The following DAAM1 variants were observed in gnomAD, a reference collection of about 807,000 sequenced individuals.
The protein encoded by DAAM1 is dishevelled associated activator of morphogenesis 1, also known as disheveled-associated activator of morphogenesis 1.
Under a neutral mutation model 130.0 loss-of-function variants are expected in DAAM1, and 52 were observed. The ratio of observed to expected loss-of-function variants is 0.40; its 90% CI spans 0.32 to 0.50. The LOEUF (loss-of-function observed/expected upper bound fraction) is 0.50, where lower values mean the gene tolerates loss of function less well. Among genes scored for constraint, DAAM1 ranks in the 20% least tolerant of loss-of-function variants. The pLI, the probability that DAAM1 is intolerant of heterozygous loss-of-function variation, is 0.61. For missense variants in DAAM1, 1,134 were observed against 1,303.8 expected (o/e 0.87, Z 2.01); for synonymous variants, 452 against 444.5 (o/e 1.02, Z -0.21).
rs574129602 is a variant in DAAM1, at chr14:59,289,161, C to T, written c.184-2056C>T. Among the ~76,000 whole-genome samples the T allele has an allele frequency of 5.3e-4, 81 of 152,076 alleles. 1 individual carries two copies. In the Middle Eastern group the frequency reaches 0.01, roughly 19 times the overall value. ...TGATCTCCTGACCTCGTGATCTGCC[C>T]GCCTCGGCCTCCTAAAGTGCTGGGA... On this transcript the variant is annotated intron_variant, in intron 2 of 24. Coordinates refer to ENST00000360909, the MANE Select transcript of DAAM1 (RefSeq NM_001270520.2).
intron 1 of DAAM1, among the ~76,000 whole-genome samples, chr14:59,222,158 G>C (rs1888793879): frequency 6.6e-6 from 1 of 152,154 alleles, no homozygotes. Context: ...ATGATGGTAG[G>C]GAACATGGTA....
At chr14:59,193,909 A>G (rs1295376698) in intron 1 of DAAM1, among the ~76,000 whole-genome samples, 2 of 152,156 alleles carry the variant, frequency 1.3e-5, no homozygotes, top group Non-Finnish European at 2.9e-5. Context: ...TGATACCGAT[A>G]TTGTATGTGA....
chr14:59,272,750 A>C (rs1882780594), intron 2 of DAAM1, among the ~76,000 whole-genome samples: 1 of 152,180 alleles, frequency 6.6e-6, no homozygotes, highest in Non-Finnish European at 1.5e-5. Context: ...GAAAATGCTC[A>C]GAACAGTGTG....
chr14:59,365,545 T>TA (rs1886882659), intron 23 of DAAM1, among the ~76,000 whole-genome samples: 2 of 152,222 alleles, frequency 1.3e-5, no homozygotes. Flanking sequence ...ACACTTTTGT[T>TA]ACAAGTTTAA....
intron 1 of DAAM1, among the ~76,000 whole-genome samples, chr14:59,201,599 GAA>G (rs1888106593): frequency 6.6e-6 from 1 of 152,116 alleles, no homozygotes. Flanking sequence ...CTGGGCGACA[GAA>G]TGAGACTCCA....
intron 1 of DAAM1, among the ~76,000 whole-genome samples, chr14:59,206,897 T>C (rs1301766152): frequency 6.6e-6 from 1 of 152,252 alleles, no homozygotes. Flanking sequence ...GCATTTGTTT[T>C]AAAACATATT....
Position 59,331,520 on chromosome 14 carries a change from G to C in DAAM1, c.1860+12G>C, listed in dbSNP as rs17096105. On this transcript the variant is annotated intron_variant, in intron 14 of 24. Coordinates refer to ENST00000360909, the MANE Select transcript of DAAM1 (RefSeq NM_001270520.2). ...CTAAACTGCCCGAGGTGAGCCATTT[G>C]TTCCAGTTTTCCCTTTAATGGATAG... is the stretch of plus-strand genomic sequence containing the variant. The C allele has an allele frequency of 2.7e-5, 43 of 1,567,764 alleles. No homozygotes were observed. Among genetic ancestry groups the C allele is most frequent in the Non-Finnish European group, 3.7e-5 (43 of 1,155,350 alleles).
At chr14:59,363,622 A>G in intron 22 of DAAM1, 29 bp from the exon 23 acceptor site, 1 of 1,613,642 alleles carries the variant, frequency 6.2e-7, no homozygotes, top group South Asian at 1.1e-5. Context: ...TGAAGCCTGC[A>G]TTGACATTAT....
intron 3 of DAAM1, among the ~76,000 whole-genome samples, chr14:59,298,099 T>C (rs925806168): frequency 3.9e-5 from 6 of 152,174 alleles, no homozygotes; most frequent in African/African-American, 1.4e-4. Context: ...AAAATAAAAT[T>C]GTTCTGTTTA....
At chr14:59,257,127 G>A (rs934508696) in intron 1 of DAAM1, among the ~76,000 whole-genome samples, 1 of 152,112 alleles carries the variant, frequency 6.6e-6, no homozygotes, top group Non-Finnish European at 1.5e-5. Context: ...CTTGACAAGT[G>A]CCTAAGGAGA....
Position 59,291,285 on chromosome 14 carries a change from A to G in DAAM1, c.252A>G (p.Gln84=), listed in dbSNP as rs955951724. Residue 84 remains glutamine (Q), a synonymous_variant, in exon 3 of 25, where the codon CAA becomes CAG. Transcript: ENST00000360909. ...CACTTCCAGCTGAGAAAAAATGGCA[A>G]ATATACTGTAGCAAGAAAAAGGTAA... ...MFALPAEKKW[Q]IYCSKKKDQE... 3 of 1,610,662 alleles carry G rather than the reference A, an allele frequency of 1.9e-6. No homozygotes were observed. Among genetic ancestry groups the G allele is most frequent in the African/African-American group, 1.3e-5 (1 of 74,748 alleles).
rs1886807089 is a variant in DAAM1, at chr14:59,363,792, C to T, written c.2826+10C>T. 2.5e-6 allele frequency: 4 copies of T among 1,613,112 alleles called. No homozygotes were observed. Among genetic ancestry groups the T allele is most frequent in the Non-Finnish European group, 8.5e-7 (1 of 1,179,822 alleles). ...AGAAGCTAAAGACCTGGTAAGTTTC[C>T]CCCTTGTGCACTGAGTGTTGTTTGA... On this transcript the variant is annotated intron_variant, in intron 23 of 24. Transcript: ENST00000360909.
At chr14:59,315,024 C>T (rs555467639) in intron 3 of DAAM1, among the ~76,000 whole-genome samples, 7 of 152,308 alleles carry the variant, frequency 4.6e-5, no homozygotes, top group African/African-American at 9.6e-5. Context: ...TCTTGATCCA[C>T]GCTTCAGAAA....
chr14:59,307,920 T>A (rs1469148205), intron 3 of DAAM1, among the ~76,000 whole-genome samples: 1 of 152,192 alleles, frequency 6.6e-6, no homozygotes, highest in Non-Finnish European at 1.5e-5. Context: ...GCATCCTCAG[T>A]CTTATAATGA....
intron 20 of DAAM1, among the ~76,000 whole-genome samples, chr14:59,358,310 C>G (rs1886561810): frequency 6.6e-6 from 1 of 152,194 alleles, no homozygotes; most frequent in Admixed American, 6.5e-5. Context: ...ACTTGCTGGC[C>G]TTTTCCATCC....
intron 1 of DAAM1, among the ~76,000 whole-genome samples, chr14:59,190,375 C>A (rs938421958): frequency 2.6e-5 from 4 of 152,112 alleles, no homozygotes; most frequent in Non-Finnish European, 5.9e-5. Context: ...GCATCATTTC[C>A]CCAATAAGGT....
chr14:59,319,571 G>A (rs918704376), intron 4 of DAAM1, among the ~76,000 whole-genome samples: 5 of 152,118 alleles, frequency 3.3e-5, no homozygotes, highest in Non-Finnish European at 7.4e-5. Flanking sequence ...CTAGACAAGC[G>A]TGTGTTCAGA....
At chr14:59,230,491 G>A (rs900917528) in intron 1 of DAAM1, among the ~76,000 whole-genome samples, 2 of 151,986 alleles carry the variant, frequency 1.3e-5, no homozygotes, top group African/African-American at 2.4e-5. Flanking sequence ...AATATAAAAA[G>A]CATTATTCAT....
chr14:59,329,319 A>G (rs1319046294), intron 12 of DAAM1, among the ~76,000 whole-genome samples: 1 of 152,178 alleles, frequency 6.6e-6, no homozygotes, highest in Non-Finnish European at 1.5e-5. Context: ...AAATGGAGAT[A>G]AAAGAAGGAA....
Sources: gnomAD v4.1 joint callset for allele counts (sites outside exome capture counted in the v4.1 genomes callset) on GRCh38, gnomAD v4.1.1 for gene constraint, MANE v1.5 for transcripts, NCBI Gene and HGNC (gene_info 2026-07-23, HGNC 2026-07-21) for gene names.